Variants in TYW1B observed in about 807,000 individuals in gnomAD.
TYW1B encodes the protein S-adenosyl-L-methionine-dependent tRNA 4-demethylwyosine synthase TYW1B.
In TYW1B, 73 loss-of-function variants were observed where a neutral mutation model predicts 86.9. The ratio of observed to expected loss-of-function variants is 0.84; its 90% confidence interval spans 0.70 to 1.02. The LOEUF is 1.02. Among genes scored for constraint, TYW1B ranks in the 50% least tolerant of loss-of-function variants. The pLI is 0.00. For synonymous variants in TYW1B, 248 were observed against 292.8 expected (o/e 0.85, Z 1.56); for missense variants, 637 against 827.4 (o/e 0.77, Z 2.82).
rs782007051 is a variant in TYW1B, at chr7:72,815,375, C to T, written c.237+5G>A. The T allele has an allele frequency of 7.6e-6, 12 of 1,579,198 alleles. No individual in the cohort carries two copies. The highest frequency in any genetic ancestry group is 5.9e-5 in the Admixed American group (3 of 50,766). ...TTTTGATTGAAGAAAAAGACAATTA[C>T]CAACCTCTTCTATCAGATGATCATC... On this transcript the variant is annotated splice_donor_5th_base_variant and intron_variant, in intron 3 of 13. Coordinates refer to ENST00000620995, the MANE Select transcript of TYW1B (RefSeq NM_001145440.3).
chr7:72,802,805 G>C (rs1429757354), intron 5 of TYW1B, among the ~76,000 whole-genome samples: 1 of 152,060 alleles, frequency 6.6e-6, no homozygotes, highest in Non-Finnish European at 1.5e-5. Flanking sequence ...AGTTTTAGTA[G>C]AGACAGGGTT....
At chr7:72,585,542 T>C (rs1332158446) in intron 13 of TYW1B, among the ~76,000 whole-genome samples, 1 of 152,180 alleles carries the variant, frequency 6.6e-6, no homozygotes. Context: ...CATCTTGAAT[T>C]ATAGTTCCCA....
At chr7:72,741,635 C>G (rs1415501771) in intron 8 of TYW1B, among the ~76,000 whole-genome samples, 2 of 152,056 alleles carry the variant, frequency 1.3e-5, no homozygotes, top group Admixed American at 1.3e-4. Context: ...AACTAAGAAG[C>G]TCAACAAACT....
rs1169791430 is a variant in TYW1B, at chr7:72,652,377, G to GAAAA, written c.1507-23384_1507-23381dup. On this transcript the variant is annotated intron_variant, in intron 11 of 13. Transcript: ENST00000620995. Reference sequence around the variant, plus strand: ...TGGGCGACAGAGCAAGACTCTGTCTGAAAAAAAAAAAAAAAAAAAAAAAAA... The same window carrying GAAAA: ...TGGGCGACAGAGCAAGACTCTGTCTGAAAAAAAAAAAAAAAAAAAAAAAAAAAAA... Among the ~76,000 whole-genome samples the GAAAA allele has an allele frequency of 2.6e-3, 81 of 31,268 alleles. 4 individuals carry two copies. Among genetic ancestry groups the GAAAA allele is most frequent in the East Asian group, 4.2e-3 (3 of 706 alleles). 20.5% of individuals were successfully genotyped at this position (31,268 alleles called of 152,430 possible).
chr7:72,591,111 G>GA (rs1811385386), intron 13 of TYW1B, among the ~76,000 whole-genome samples: 1 of 150,830 alleles, frequency 6.6e-6, no homozygotes, highest in East Asian at 1.9e-4. Context: ...TAGTGAACCT[G>GA]AAAACAGGAC....
chr7:72,782,552 G>C (rs529296543), intron 6 of TYW1B, among the ~76,000 whole-genome samples: 1 of 152,190 alleles, frequency 6.6e-6, no homozygotes, highest in South Asian at 2.1e-4. Flanking sequence ...TTTACCATCA[G>C]GTGATTCCTT....
intron 6 of TYW1B, among the ~76,000 whole-genome samples, chr7:72,798,955 TCTA>T (rs1788356595): frequency 6.6e-6 from 1 of 152,140 alleles, no homozygotes; most frequent in Non-Finnish European, 1.5e-5. Context: ...GCCAACTTTT[TCTA>T]CTAGGTTTTT....
intron 13 of TYW1B, among the ~76,000 whole-genome samples, chr7:72,577,615 T>G (rs868996019): frequency 2.6e-5 from 4 of 152,218 alleles, no homozygotes; most frequent in Admixed American, 6.5e-5. Flanking sequence ...CTGCCGCCGG[T>G]GGCGTGACTT....
At chr7:72,621,072 T>A (rs191129246) in intron 12 of TYW1B, among the ~76,000 whole-genome samples, 81 of 152,318 alleles carry the variant, frequency 5.3e-4, no homozygotes, top group African/African-American at 1.8e-3. Flanking sequence ...AACCTCATGC[T>A]GAAATGTGAT....
At chr7:72,592,202 T>C (rs1488529188) in intron 13 of TYW1B, among the ~76,000 whole-genome samples, 2 of 151,346 alleles carry the variant, frequency 1.3e-5, no homozygotes, top group East Asian at 3.9e-4. Context: ...TATTAGTTTA[T>C]GTTTTGGGGC....
intron 3 of TYW1B, among the ~76,000 whole-genome samples, chr7:72,815,068 CAA>C (rs576240918): frequency 8.2e-5 from 6 of 73,114 alleles, no homozygotes; most frequent in African/African-American, 1.1e-4. Context: ...GACTCCATCT[CAA>C]AAAAAAAAAA....
intron 11 of TYW1B, among the ~76,000 whole-genome samples, chr7:72,635,402 C>T (rs1268480025): frequency 6.6e-6 from 1 of 152,152 alleles, no homozygotes. Flanking sequence ...GGACAATTAG[C>T]AACATCTTGA....
chr7:72,816,267 T>C (rs1788719705), intron 2 of TYW1B, among the ~76,000 whole-genome samples: 1 of 151,906 alleles, frequency 6.6e-6, no homozygotes, highest in Non-Finnish European at 1.5e-5. Flanking sequence ...TCCCAGCTAC[T>C]CGGGAGGCTG....
chr7:72,595,068 T>A (rs1811496770), intron 13 of TYW1B, among the ~76,000 whole-genome samples: 1 of 152,188 alleles, frequency 6.6e-6, no homozygotes, highest in Non-Finnish European at 1.5e-5. Context: ...GCTTTTCCTC[T>A]AAAATAGAGC....
intron 12 of TYW1B, among the ~76,000 whole-genome samples, chr7:72,628,421 G>A (rs868970316): frequency 3.3e-5 from 5 of 152,182 alleles, no homozygotes; most frequent in Non-Finnish European, 5.9e-5. Context: ...TAAGAGCAGA[G>A]AAAATGGGTA....
intron 12 of TYW1B, 30 bp downstream of exon 12, chr7:72,628,857 C>T: frequency 6.4e-7 from 1 of 1,560,212 alleles, no homozygotes; most frequent in Non-Finnish European, 8.7e-7. Context: ...TGTCACTCCA[C>T]CACGGCCACC....
chr7:72,698,763 A>G (rs186463695), intron 10 of TYW1B, among the ~76,000 whole-genome samples: 1 of 152,316 alleles, frequency 6.6e-6, no homozygotes, highest in African/African-American at 2.4e-5. Context: ...GGCAAAATCC[A>G]CAGTGTGGCT....
intron 13 of TYW1B, among the ~76,000 whole-genome samples, chr7:72,588,496 G>A (rs1415501825): frequency 2.0e-5 from 3 of 152,192 alleles, no homozygotes; most frequent in Non-Finnish European, 4.4e-5. Context: ...ATGGGAGGGT[G>A]TGGGGGTGGT....
chr7:72,813,908 A>G (rs1476599286), intron 3 of TYW1B, among the ~76,000 whole-genome samples: 3 of 151,904 alleles, frequency 2.0e-5, no homozygotes, highest in East Asian at 3.9e-4. Flanking sequence ...CCAGCTACTC[A>G]GGAGGCTGAG....
Sources: allele counts gnomAD v4.1 joint callset (sites outside exome capture counted in the v4.1 genomes callset), GRCh38; gene constraint gnomAD v4.1.1; transcripts MANE v1.5; gene names NCBI Gene and HGNC (gene_info 2026-07-23, HGNC 2026-07-21).